The following TPRG1 variants were observed in gnomAD, a reference collection of about 807,000 sequenced individuals.
TPRG1 encodes tumor protein p63 regulated 1, also known as tumor protein p63-regulated gene 1 protein.
A neutral mutation model predicts 29.3 loss-of-function variants in TPRG1; 29 were observed. That is an observed-to-expected ratio of 0.99 (90% CI 0.74 to 1.35). TPRG1 has a LOEUF of 1.35. TPRG1 is among the 40% of genes most tolerant of loss of function. The pLI is 0.00. For synonymous variants in TPRG1, 130 were observed against 116.8 expected, an observed-to-expected ratio of 1.11 and a Z score of -0.73; for missense variants, 327 against 335.0, an observed-to-expected ratio of 0.98 and a Z score of 0.19.
intron 4 of TPRG1, among the ~76,000 whole-genome samples, chr3:189,043,297 G>A (rs1405487988): frequency 2.0e-5 from 3 of 152,116 alleles, no homozygotes; most frequent in Admixed American, 6.6e-5. Flanking sequence ...TAAAGAGTAC[G>A]GTTTAAAGGG....
rs189522290 is a variant in TPRG1, at chr3:189,063,557, A to C, written c.-463+39611A>C. Among the ~76,000 whole-genome samples the C allele has an allele frequency of 2.2e-3, 337 of 152,274 alleles. 2 individuals are homozygous for C. The highest frequency in any genetic ancestry group is 7.9e-3 in the African/African-American group (330 of 41,570). ...AAATTTATAAGAACTGAAATCATAC[A>C]GTGTGTTTTCTCTGACTACAATGGA... On this transcript the variant is annotated intron_variant, in intron 4 of 10. Coordinates refer to the TPRG1 transcript ENST00000433971.
At chr3:189,242,076 T>C (rs1740701589) in intron 4 of TPRG1, among the ~76,000 whole-genome samples, 1 of 152,180 alleles carries the variant, frequency 6.6e-6, no homozygotes, top group South Asian at 2.1e-4. Context: ...TATTTTACTG[T>C]TAACAACGAA....
chr3:189,174,050 T>G (rs1288893367), intron 1 of TPRG1, among the ~76,000 whole-genome samples: 1 of 152,192 alleles, frequency 6.6e-6, no homozygotes, highest in Non-Finnish European at 1.5e-5. Context: ...CCTGTCTGGA[T>G]TTTTATATTT....
chr3:189,128,082 T>C (rs924195838), intron 2 of TPRG1, among the ~76,000 whole-genome samples: 2 of 152,228 alleles, frequency 1.3e-5, no homozygotes, highest in Non-Finnish European at 2.9e-5. Flanking sequence ...ATTGGGCTTT[T>C]GTGGGGAGTG....
chr3:189,274,133 T>C (rs1309007121), intron 4 of TPRG1, among the ~76,000 whole-genome samples: 2 of 151,360 alleles, frequency 1.3e-5, no homozygotes, highest in East Asian at 3.9e-4. Flanking sequence ...CACTGATCCA[T>C]GGAGTGATTT....
chr3:189,155,399 T>G (rs1002903576), intron 5 of TPRG1, among the ~76,000 whole-genome samples: 2 of 152,154 alleles, frequency 1.3e-5, no homozygotes, highest in Non-Finnish European at 2.9e-5. Context: ...AACATGTCTG[T>G]GTCCTAATTC....
At chr3:189,014,417 T>C (rs1188833957) in intron 3 of TPRG1, among the ~76,000 whole-genome samples, 2 of 152,178 alleles carry the variant, frequency 1.3e-5, no homozygotes, top group African/African-American at 4.8e-5. Flanking sequence ...TGACTTGGCC[T>C]TTCTCTCTCA....
intron 1 of TPRG1, among the ~76,000 whole-genome samples, chr3:189,174,395 G>A (rs73184435): frequency 0.07 from 10,614 of 152,132 alleles, 444 homozygotes; most frequent in East Asian, 0.16. Context: ...TGCTGGGGCC[G>A]GGCAGCAACT....
At chr3:189,225,435 T>C (rs1737580077) in intron 3 of TPRG1, among the ~76,000 whole-genome samples, 2 of 152,198 alleles carry the variant, frequency 1.3e-5, no homozygotes, top group Non-Finnish European at 2.9e-5. Context: ...GGATATCAAA[T>C]AGGGTGTTGA....
intron 5 of TPRG1, among the ~76,000 whole-genome samples, chr3:189,310,941 G>C (rs1413603747): frequency 6.6e-6 from 1 of 152,048 alleles, no homozygotes; most frequent in Non-Finnish European, 1.5e-5. Context: ...TCTGAGACTT[G>C]GTAGTCTCAC....
At chr3:189,017,438 T>A (rs2152123801) in intron 3 of TPRG1, among the ~76,000 whole-genome samples, 1 of 152,176 alleles carries the variant, frequency 6.6e-6, no homozygotes, top group East Asian at 1.9e-4. Flanking sequence ...GTCCATGTGA[T>A]CTCATTGTTC....
intron 3 of TPRG1, among the ~76,000 whole-genome samples, chr3:189,230,732 A>G (rs895702309): frequency 2.0e-5 from 3 of 152,134 alleles, no homozygotes; most frequent in Non-Finnish European, 4.4e-5. Context: ...GTTCACCATT[A>G]TACCACTAGT....
At chr3:189,230,155 A>G (rs868744907) in intron 3 of TPRG1, among the ~76,000 whole-genome samples, 1 of 152,266 alleles carries the variant, frequency 6.6e-6, no homozygotes, top group Middle Eastern at 3.4e-3. Context: ...GAAAGAGAGA[A>G]GGATGGGGGC....
At position 189,199,940 on chromosome 3, in the gene TPRG1, A is replaced by G. The variant is rs562886797; in HGVS notation, c.-9-7436A>G. ...AACAATGAATAGTATCCAGGAGCAC[A>G]ACTTGCAAACAATCAAGTCTCACCT... On this transcript the variant is annotated intron_variant, in intron 1 of 5. Coordinates refer to ENST00000345063, the MANE Select transcript of TPRG1 (RefSeq NM_198485.4). 2.3e-3 allele frequency among the ~76,000 whole-genome samples: 354 copies of G among 152,344 alleles called. 3 individuals carry two copies. The highest frequency in any genetic ancestry group is 7.8e-3 in the African/African-American group (323 of 41,574).
At chr3:189,109,387 C>T (rs538207787) in intron 1 of TPRG1, among the ~76,000 whole-genome samples, 6 of 152,266 alleles carry the variant, frequency 3.9e-5, no homozygotes, top group Middle Eastern at 6.8e-3. Context: ...CAGATGTAAT[C>T]GCTCATATGT....
At chr3:189,268,794 A>C (rs1417365731) in intron 4 of TPRG1, among the ~76,000 whole-genome samples, 2 of 152,210 alleles carry the variant, frequency 1.3e-5, no homozygotes, top group East Asian at 3.9e-4. Context: ...GGAAGGAATC[A>C]GTTCTCCAAA....
intron 4 of TPRG1, among the ~76,000 whole-genome samples, chr3:189,286,116 T>A (rs1470376411): frequency 6.6e-6 from 1 of 152,074 alleles, no homozygotes; most frequent in African/African-American, 2.4e-5. Flanking sequence ...GCCAAAAAAA[T>A]GCTTCTGGTT....
intron 1 of TPRG1, among the ~76,000 whole-genome samples, chr3:189,109,515 G>T (rs1720249366): frequency 6.6e-6 from 1 of 152,170 alleles, no homozygotes; most frequent in African/African-American, 2.4e-5. Flanking sequence ...AGAGACAAAA[G>T]ATAATTCTCA....
chr3:189,015,890 C>A (rs1712904926), intron 3 of TPRG1, among the ~76,000 whole-genome samples: 1 of 152,126 alleles, frequency 6.6e-6, no homozygotes, highest in African/African-American at 2.4e-5. Context: ...GGCACAGATC[C>A]CTCATGGAGA....
Sources: allele counts gnomAD v4.1 joint callset (sites outside exome capture counted in the v4.1 genomes callset), GRCh38; gene constraint gnomAD v4.1.1; transcripts MANE v1.5; gene names NCBI Gene and HGNC (gene_info 2026-07-23, HGNC 2026-07-21).